Variants in IRS1 observed in about 807,000 individuals in gnomAD.
IRS1 encodes insulin receptor substrate 1.
IRS1 carries 34 observed loss-of-function variants against 65.6 expected under a neutral mutation model. That is an observed-to-expected ratio of 0.52 (90% CI 0.39 to 0.69). The LOEUF (loss-of-function observed/expected upper bound fraction) is 0.69. Ranked by LOEUF, IRS1 falls within the 30% of genes least tolerant of loss-of-function variation. IRS1 has a pLI of 0.00. For synonymous variants in IRS1, 699 were observed against 683.5 expected (o/e 1.02, Z -0.35); for missense variants, 1,641 against 1,720.2 (o/e 0.95, Z 0.81).
At chr2:226,777,314 A>C (rs997054755) in intron 1 of IRS1, among the ~76,000 whole-genome samples, 2 of 152,230 alleles carry the variant, frequency 1.3e-5, no homozygotes, top group Non-Finnish European at 2.9e-5. Flanking sequence ...GAAATAAAAA[A>C]GTGTATTTTA....
chr2:226,775,045 C>A (rs1559153963), intron 1 of IRS1, among the ~76,000 whole-genome samples: 1 of 151,840 alleles, frequency 6.6e-6, no homozygotes, highest in Non-Finnish European at 1.5e-5. Flanking sequence ...TTGTCAAAAC[C>A]CAGAGAATTT....
chr2:226,761,580 T>C (rs1938914956), intron 1 of IRS1, among the ~76,000 whole-genome samples: 2 of 152,200 alleles, frequency 1.3e-5, no homozygotes, highest in Admixed American at 1.3e-4. Flanking sequence ...AGTGACAGTT[T>C]TGTTTCTTAT....
chr2:226,783,794 G>A (rs992974704), intron 1 of IRS1, among the ~76,000 whole-genome samples: 1 of 152,148 alleles, frequency 6.6e-6, no homozygotes, highest in Non-Finnish European at 1.5e-5. Context: ...TGCTGGGTGT[G>A]GCTATGTGAC....
At chr2:226,749,897 AG>A (rs1472955949) in intron 1 of IRS1, among the ~76,000 whole-genome samples, 1 of 152,184 alleles carries the variant, frequency 6.6e-6, no homozygotes, top group Non-Finnish European at 1.5e-5. Flanking sequence ...GCCATCAAAA[AG>A]TCTCAGGCCT....
Position 226,799,521 on chromosome 2 carries a change from C to G in IRS1, c.-783G>C, listed in dbSNP as rs971131281. On this transcript the variant is annotated 5_prime_UTR_variant, in exon 1 of 2. An upstream start codon of the reference 5' UTR is lost. Coordinates refer to ENST00000305123, the MANE Select transcript of IRS1 (RefSeq NM_005544.3). This position sits in a 1 kb window ranked among gnomAD's most constrained non-coding sequence, Gnocchi z 6.1. ...TGGGGACCGGCCGGAGGGACAGACT[C>G]ATCCCTGCCCCTCGCTCCAGGCGGC... is the stretch of plus-strand genomic sequence containing the variant. The G allele has an allele frequency of 1.8e-6, 2 of 1,094,842 alleles. No homozygotes were observed. The highest frequency in any genetic ancestry group is 4.9e-5 in the Admixed American group (1 of 20,452). 67.8% of individuals were successfully genotyped at this position (1,094,842 alleles called of 1,614,324 possible).
chr2:226,791,435 G>A (rs895460250), intron 1 of IRS1, among the ~76,000 whole-genome samples: 1 of 152,198 alleles, frequency 6.6e-6, no homozygotes, highest in Non-Finnish European at 1.5e-5. Flanking sequence ...TTAAAAATAA[G>A]AGCAAGTGTG....
At chr2:226,749,280 C>T (rs1307644938) in intron 1 of IRS1, among the ~76,000 whole-genome samples, 2 of 152,116 alleles carry the variant, frequency 1.3e-5, no homozygotes, top group African/African-American at 2.4e-5. Flanking sequence ...AGAGTTGTGG[C>T]CAGGCAAACG....
In IRS1 at chr2:226,799,255, G is replaced by T. The variant is rs1285464596; in HGVS notation, c.-517C>A. 4 of 1,130,578 alleles carry T rather than the reference G, an allele frequency of 3.5e-6. No homozygotes were observed. Among genetic ancestry groups the T allele is most frequent in the Admixed American group, 8.8e-5 (2 of 22,708 alleles). The allele number at this position is 1,130,578 out of a possible 1,614,324, so 70.0% of individuals were successfully genotyped here. On this transcript the variant is annotated 5_prime_UTR_variant, in exon 1 of 2. Coordinates refer to ENST00000305123, the MANE Select transcript of IRS1 (RefSeq NM_005544.3). The surrounding 1 kb of genome is among the most constrained non-coding windows in gnomAD (Gnocchi z 6.1). ...GGGTTGCCAAGTCCCAACGTTGCAC[G>T]GGGTTCTCCCTCCTCCTTCGCCTCC... is the stretch of plus-strand genomic sequence containing the variant.
At chr2:226,752,433 A>G (rs1938703471) in intron 1 of IRS1, among the ~76,000 whole-genome samples, 4 of 152,220 alleles carry the variant, frequency 2.6e-5, no homozygotes, top group Admixed American at 2.6e-4. Context: ...TCGCTTTTCC[A>G]GTAAATAAAG....
intron 1 of IRS1, among the ~76,000 whole-genome samples, chr2:226,780,120 C>T (rs765146732): frequency 2.6e-5 from 4 of 152,086 alleles, no homozygotes; most frequent in African/African-American, 7.2e-5. Context: ...CAGCCGGGTG[C>T]GGTGGCTCAT....
intron 1 of IRS1, among the ~76,000 whole-genome samples, chr2:226,743,928 G>C (rs577423415): frequency 6.6e-6 from 1 of 152,260 alleles, no homozygotes; most frequent in East Asian, 1.9e-4. Flanking sequence ...CACTGCCTTT[G>C]CTTTTTTTGT....
intron 1 of IRS1, among the ~76,000 whole-genome samples, chr2:226,756,958 C>CAAA (rs1938815711): frequency 1.5e-5 from 2 of 137,506 alleles, no homozygotes; most frequent in East Asian, 2.2e-4. Flanking sequence ...GAGACTCCGT[C>CAAA]TAATAAATAA....
At chr2:226,784,873 T>C (rs1246416163) in intron 1 of IRS1, among the ~76,000 whole-genome samples, 1 of 152,268 alleles carries the variant, frequency 6.6e-6, no homozygotes, top group Non-Finnish European at 1.5e-5. Context: ...GAGAAGCTCC[T>C]CTTTGCTTCA....
intron 1 of IRS1, among the ~76,000 whole-genome samples, chr2:226,749,554 G>C (rs1938630430): frequency 6.6e-6 from 1 of 152,172 alleles, no homozygotes; most frequent in Non-Finnish European, 1.5e-5. Context: ...ATAGGAAGTT[G>C]ACTTGAGAAC....
chr2:226,764,949 C>CTA (rs1236271270), intron 1 of IRS1, among the ~76,000 whole-genome samples: 2 of 152,182 alleles, frequency 1.3e-5, no homozygotes, highest in Non-Finnish European at 2.9e-5. Context: ...ACTTAGAAGT[C>CTA]TATCGCACAA....
At chr2:226,786,348 C>CT (rs934991425) in intron 1 of IRS1, among the ~76,000 whole-genome samples, 3 of 151,836 alleles carry the variant, frequency 2.0e-5, no homozygotes, top group East Asian at 3.9e-4. Flanking sequence ...GTAGTGTGTC[C>CT]TTTTTTTTCC....
At chr2:226,745,500 A>G (rs1041566412) in intron 1 of IRS1, among the ~76,000 whole-genome samples, 3 of 152,236 alleles carry the variant, frequency 2.0e-5, no homozygotes, top group Non-Finnish European at 2.9e-5. Flanking sequence ...GGAAACTAAG[A>G]CAAGTTCCAT....
intron 1 of IRS1, among the ~76,000 whole-genome samples, chr2:226,738,209 G>C (rs76396839): frequency 1.3e-5 from 2 of 152,166 alleles, no homozygotes; most frequent in African/African-American, 4.8e-5. Flanking sequence ...TACACGCAAC[G>C]TAAGTGTGGA....
intron 1 of IRS1, among the ~76,000 whole-genome samples, chr2:226,787,144 T>C (rs1303235918): frequency 6.6e-6 from 1 of 152,108 alleles, no homozygotes. Context: ...GCTGGATGCC[T>C]CTTCTTCTGG....
Sources: gnomAD v4.1 joint callset for allele counts (sites outside exome capture counted in the v4.1 genomes callset) on GRCh38, gnomAD v4.1.1 for gene constraint, Gnocchi (gnomAD v3.1) non-coding constraint, MANE v1.5 for transcripts, NCBI Gene and HGNC (gene_info 2026-07-23, HGNC 2026-07-21) for gene names.